Variants in VPS8 observed in about 807,000 individuals in gnomAD.
The protein encoded by VPS8 is vacuolar protein sorting-associated protein 8 homolog.
Under a neutral mutation model 216.4 loss-of-function variants are expected in VPS8, and 129 were observed. That is an observed-to-expected ratio of 0.60 (90% CI 0.52 to 0.69). VPS8 has a LOEUF of 0.69. Ranked by LOEUF, VPS8 falls within the 30% of genes least tolerant of loss-of-function variation. The pLI, the probability that VPS8 is intolerant of heterozygous loss-of-function variation, is 0.00. For synonymous variants in VPS8, 571 were observed against 565.4 expected, an observed-to-expected ratio of 1.01 and a Z score of -0.14; for missense variants, 1,531 against 1,683.5, an observed-to-expected ratio of 0.91 and a Z score of 1.59.
chr3:184,971,734 G>T lies in VPS8; in HGVS notation c.3402G>T (p.Leu1134Phe). 6.2e-7 allele frequency: 1 copy of T among 1,612,942 alleles called. No individual in the cohort carries two copies. Among genetic ancestry groups the T allele is most frequent in the South Asian group, 1.1e-5 (1 of 90,930 alleles). ...TTTGCCAGAGAAATTCACATAATTT[G>T]AACCAGCAGCAACGTGAGGTAGGAG... is the stretch of plus-strand genomic sequence containing the variant. ...IALCQRNSHN[L>F]NQQQREALWF... The change falls in exon 40 of 48, where the codon TTG (leucine) becomes TTT (phenylalanine). Residue 1134 changes from leucine (L) to phenylalanine (F), a missense_variant. This residue lies in a region of VPS8 where 1,318 missense variants were observed against 1,468.4 expected (regional missense o/e 0.90). Coordinates refer to ENST00000625842, the MANE Select transcript of VPS8 (RefSeq NM_001009921.3).
intron 1 of VPS8, among the ~76,000 whole-genome samples, chr3:184,822,550 T>G (rs1717831674): frequency 6.6e-6 from 1 of 152,246 alleles, no homozygotes; most frequent in Non-Finnish European, 1.5e-5. Context: ...AAATATTATT[T>G]TCCTGTATGG....
intron 46 of VPS8, 103 bp from the exon 47 acceptor site, chr3:185,048,376 A>T: frequency 8.9e-7 from 1 of 1,120,862 alleles, no homozygotes; most frequent in Non-Finnish European, 1.3e-6. Context: ...TGTTTTCAGG[A>T]GAATGAAGGA....
intron 1 of VPS8, among the ~76,000 whole-genome samples, chr3:184,821,346 C>CTT (rs755440244): frequency 1.1e-4 from 16 of 144,146 alleles, no homozygotes; most frequent in Middle Eastern, 3.7e-3. Context: ...TTCTTCTCTA[C>CTT]TTTTTTTTTT....
intron 21 of VPS8, among the ~76,000 whole-genome samples, chr3:184,876,190 C>G (rs535289879): frequency 1.4e-4 from 22 of 152,226 alleles, no homozygotes; most frequent in African/African-American, 4.1e-4. Context: ...CCCTACCTCT[C>G]TGACTGCTTA....
At chr3:184,914,819 CTGGGTGTCATCT>C (rs1737225282) in intron 26 of VPS8, among the ~76,000 whole-genome samples, 150 bp from the exon 27 acceptor site, 1 of 152,216 alleles carries the variant, frequency 6.6e-6, no homozygotes, top group South Asian at 2.1e-4. Context: ...ATTTTCTAAA[CTGGGTGTCATCT>C]TGACCTGCTT....
chr3:184,957,007 T>A (rs371949196), intron 36 of VPS8, among the ~76,000 whole-genome samples: 14 of 152,252 alleles, frequency 9.2e-5, no homozygotes, highest in African/African-American at 3.4e-4. Context: ...AAGAAACACT[T>A]ACTGAGATTG....
At chr3:185,031,930 G>A (rs780655041) in intron 46 of VPS8, among the ~76,000 whole-genome samples, 4 of 152,150 alleles carry the variant, frequency 2.6e-5, no homozygotes, top group Non-Finnish European at 5.9e-5. Flanking sequence ...TTGGGAAGCC[G>A]AGACGGGCAG....
In VPS8 at chr3:184,825,730, A is replaced by G. The variant is rs370331194; in HGVS notation, c.154-433A>G. On this transcript the variant is annotated intron_variant, in intron 2 of 47. Coordinates refer to ENST00000625842, the MANE Select transcript of VPS8 (RefSeq NM_001009921.3). ...CAGCCTGGCCTTATGATGAAACCCCATCTCTACTAAAAATACAAAAAAGAT... is the reference window on the plus strand; with the variant it reads ...CAGCCTGGCCTTATGATGAAACCCCGTCTCTACTAAAAATACAAAAAAGAT... Among the ~76,000 whole-genome samples, 50 of 152,174 alleles carry G rather than the reference A, an allele frequency of 3.3e-4. 2 individuals carry two copies. In the South Asian group the frequency reaches 0.01, roughly 31 times the overall value.
intron 42 of VPS8, among the ~76,000 whole-genome samples, chr3:184,990,515 A>C (rs1342851674): frequency 6.6e-6 from 1 of 152,228 alleles, no homozygotes; most frequent in Non-Finnish European, 1.5e-5. Flanking sequence ...AAATCACTTT[A>C]GTGTTCATTA....
At chr3:184,826,068 C>G in intron 2 of VPS8, 95 bp from the exon 3 acceptor site, 1 of 840,428 alleles carries the variant, frequency 1.2e-6, no homozygotes, top group Non-Finnish European at 1.8e-6. Context: ...GTAAGTTTGT[C>G]TTTTAATTGA....
intron 21 of VPS8, among the ~76,000 whole-genome samples, chr3:184,880,565 C>G (rs533957442): frequency 6.6e-6 from 1 of 152,060 alleles, no homozygotes; most frequent in African/African-American, 2.4e-5. Flanking sequence ...ACAATTTTAC[C>G]GGTTGAAGAA....
chr3:184,850,259 T>G (rs1383473368), intron 10 of VPS8, among the ~76,000 whole-genome samples: 1 of 152,182 alleles, frequency 6.6e-6, no homozygotes, highest in Non-Finnish European at 1.5e-5. Flanking sequence ...CAGCTTCAAG[T>G]TGTATTGAAG....
chr3:184,901,137 A>C, intron 25 of VPS8, 165 bp downstream of exon 25: 2 of 639,110 alleles, frequency 3.1e-6, no homozygotes, highest in Non-Finnish European at 5.4e-6. Flanking sequence ...AGCTTCTCAC[A>C]CTAAAAAGTT....
At chr3:184,857,053 T>C (rs1725393749) in intron 14 of VPS8, among the ~76,000 whole-genome samples, 1 of 152,240 alleles carries the variant, frequency 6.6e-6, no homozygotes, top group Non-Finnish European at 1.5e-5. Flanking sequence ...ACTTGTCTAA[T>C]ATTTTTCTTC....
At chr3:184,866,444 T>C (rs748775974) in intron 16 of VPS8, among the ~76,000 whole-genome samples, 1 of 152,200 alleles carries the variant, frequency 6.6e-6, no homozygotes, top group Non-Finnish European at 1.5e-5. Flanking sequence ...TGCAGAGTGA[T>C]GATAATGTTC....
intron 7 of VPS8, among the ~76,000 whole-genome samples, chr3:184,841,221 A>G (rs1432116017): frequency 6.6e-6 from 1 of 152,166 alleles, no homozygotes; most frequent in East Asian, 1.9e-4. Flanking sequence ...CAAAAAGTTG[A>G]AGATATACCA....
intron 46 of VPS8, among the ~76,000 whole-genome samples, chr3:185,042,416 G>A (rs1184977903): frequency 6.6e-6 from 1 of 152,160 alleles, no homozygotes; most frequent in Non-Finnish European, 1.5e-5. Flanking sequence ...AAAGGAAAAC[G>A]TAATTATGGA....
At chr3:184,996,584 G>C in intron 44 of VPS8, 83 bp downstream of exon 44, 5 of 1,455,972 alleles carry the variant, frequency 3.4e-6, no homozygotes, top group Non-Finnish European at 4.6e-6. Context: ...GGATACACGG[G>C]TAGTCATTCT....
At chr3:185,000,339 C>CT in intron 45 of VPS8, among the ~76,000 whole-genome samples, 1 of 152,184 alleles carries the variant, frequency 6.6e-6, no homozygotes, top group South Asian at 2.1e-4. Context: ...ATTTTACAGC[C>CT]TTTTTTTAAA....
Sources: allele counts gnomAD v4.1 joint callset (sites outside exome capture counted in the v4.1 genomes callset), GRCh38; gene constraint gnomAD v4.1.1; regional missense constraint gnomAD v4.1.1; transcripts MANE v1.5; gene names NCBI Gene and HGNC (gene_info 2026-07-23, HGNC 2026-07-21).